PES1: variants seen among roughly 807,000 people sequenced by gnomAD.
The protein encoded by PES1 is pescadillo ribosomal biogenesis factor 1.
Under a neutral mutation model 77.1 loss-of-function variants are expected in PES1, and 31 were observed. The ratio of observed to expected loss-of-function variants is 0.40; its 90% CI spans 0.30 to 0.54. The LOEUF is 0.54. Among genes scored for constraint, PES1 ranks in the 20% least tolerant of loss-of-function variants. The pLI is 0.45. For synonymous variants in PES1, 282 were observed against 303.0 expected (o/e 0.93, Z 0.72); for missense variants, 658 against 771.7 (o/e 0.85, Z 1.75).
chr22:30,589,462 G>A (rs1385379826), intron 1 of PES1, among the ~76,000 whole-genome samples, 192 bp from the exon 2 acceptor site: 1 of 152,178 alleles, frequency 6.6e-6, no homozygotes, highest in Non-Finnish European at 1.5e-5. Flanking sequence ...GCGGCTGTCA[G>A]CATAGGGAAC....
chr22:30,602,706 T>C (rs2087374746), intron 2 of PES1, among the ~76,000 whole-genome samples: 2 of 152,146 alleles, frequency 1.3e-5, no homozygotes, highest in Admixed American at 6.6e-5. Context: ...TTAGGTGTTG[T>C]ATCTAAAAAG....
intron 4 of PES1, 95 bp downstream of exon 4, chr22:30,587,191 G>T: frequency 1.1e-6 from 1 of 879,148 alleles, no homozygotes; most frequent in Non-Finnish European, 1.8e-6. Flanking sequence ...CTTTGAGCAG[G>T]GTCTTGGTCT....
At chr22:30,581,284 A>C in intron 8 of PES1, 50 bp downstream of exon 8, 17 of 1,581,274 alleles carry the variant, frequency 1.1e-5, no homozygotes, top group Non-Finnish European at 1.4e-5. Flanking sequence ...TGTTGGGGAC[A>C]GAGACCACTC....
intron 13 of PES1, 49 bp downstream of exon 13, chr22:30,579,088 C>T: frequency 6.2e-7 from 1 of 1,604,678 alleles, no homozygotes; most frequent in Non-Finnish European, 8.5e-7. Context: ...GAGCAGGCAC[C>T]AAGCAGGGCT....
At chr22:30,602,458 G>A (rs1349098586) in intron 2 of PES1, among the ~76,000 whole-genome samples, 4 of 116,492 alleles carry the variant, frequency 3.4e-5, no homozygotes, top group Non-Finnish European at 3.5e-5. Context: ...TTTGACACAA[G>A]AGTTCCACCC....
rs111368918 is a variant in PES1 at position 30,578,558 on chromosome 22, G to A, written c.1683+279C>T. ...CCCGCCCCCAGTCCTTGAGTCTGCC[G>A]GGAAGGCTCTGTTTGCAGACCCCAG... is the stretch of plus-strand genomic sequence containing the variant. On this transcript the variant is annotated intron_variant, in intron 14 of 14. Coordinates refer to ENST00000354694, the MANE Select transcript of PES1 (RefSeq NM_014303.4). 1.6e-4 allele frequency among the ~76,000 whole-genome samples: 25 copies of A among 152,316 alleles called. 1 individual carries two copies. The highest frequency in any genetic ancestry group is 6.2e-4 in the South Asian group (3 of 4,822).
intron 2 of PES1, among the ~76,000 whole-genome samples, chr22:30,599,595 C>T (rs1042328939): frequency 6.6e-6 from 1 of 152,124 alleles, no homozygotes; most frequent in African/African-American, 2.4e-5. Flanking sequence ...CATAACTAGT[C>T]TAAGGCAATG....
At chr22:30,579,066 C>G (rs35157781) in intron 13 of PES1, 68 bp from the exon 14 acceptor site, 25,846 of 1,602,906 alleles carry the variant, frequency 0.016, 228 homozygotes, top group Middle Eastern at 0.022. Flanking sequence ...TGGCTCCTGA[C>G]CTTCTAGGCC....
upstream of PES1, among the ~76,000 whole-genome samples, chr22:30,593,475 C>T (rs2087212486): frequency 2.6e-5 from 4 of 151,158 alleles, no homozygotes; most frequent in South Asian, 8.4e-4. Context: ...GCCTAGACGA[C>T]AGAGCGAGGC....
chr22:30,586,532 C>T (rs181769821), intron 4 of PES1, among the ~76,000 whole-genome samples: 1 of 152,330 alleles, frequency 6.6e-6, no homozygotes. Context: ...TGGGGGACTA[C>T]TATAGCGTAT....
rs1036071710 is a variant in PES1 at position 30,579,530 on chromosome 22, G to C, written c.1354+221C>G. The C allele has an allele frequency of 1.5e-5, 11 of 713,082 alleles. No individual in the cohort carries two copies. The Admixed American group carries it at 3.2e-4, about 21-fold the overall frequency. 44.2% of individuals were successfully genotyped at this position (713,082 alleles called of 1,614,324 possible). ...CTCTGTCGCCTCCAATGTAAACTCT[G>C]ATGACAATGCAGCATGTTCTTCTGC... is the stretch of plus-strand genomic sequence containing the variant. On this transcript the variant is annotated intron_variant, in intron 12 of 14. Coordinates refer to ENST00000354694, the MANE Select transcript of PES1 (RefSeq NM_014303.4).
At chr22:30,604,440 C>CT (rs888180678) in intron 2 of PES1, among the ~76,000 whole-genome samples, 5 of 151,958 alleles carry the variant, frequency 3.3e-5, no homozygotes, top group African/African-American at 1.2e-4. Context: ...CGAGACCAAC[C>CT]TGGCCAACAG....
At chr22:30,605,403 A>C in intron 2 of PES1, 1 of 965,478 alleles carries the variant, frequency 1.0e-6, no homozygotes, top group Non-Finnish European at 1.2e-6. Context: ...TTACTTCGAC[A>C]CCCTAACTAC....
At position 30,581,534 on chromosome 22, in the gene PES1, G is replaced by C. The variant is rs775880048; in HGVS notation, c.741C>G (p.Pro247=). ...CACTGGGCTGGGGTCCTACCTTCGG[G>C]GGATAGTGGAGGTTGAGCAACTGGT... ...RLYQLLNLHY[P]PKLEGQAQAE... Residue 247 remains proline, a synonymous_variant, in exon 7 of 15, where the codon CCC becomes CCG. Coordinates refer to ENST00000354694, the MANE Select transcript of PES1 (RefSeq NM_014303.4). 8 of 1,613,196 alleles carry C rather than the reference G, an allele frequency of 5.0e-6. No homozygotes were observed. In the Admixed American group the frequency reaches 5.0e-5, roughly 10 times the overall value.
At chr22:30,587,471 C>A (rs990347308) in intron 3 of PES1, 76 bp from the exon 4 acceptor site, 2 of 1,135,980 alleles carry the variant, frequency 1.8e-6, no homozygotes, top group African/African-American at 1.5e-5. Flanking sequence ...AAGATGGAAA[C>A]GCAGGGCAGA....
Position 30,581,377 on chromosome 22 carries a change from G to A in PES1, c.779C>T (p.Ala260Val). The part of the protein sequence containing the change: ...LEGQAQAEAK[A>V]GEGTYALDSE... ...GTCCAACGCGTAGGTGCCCTCACCG[G>A]CCTTTGCCTCTGCTTGGGCCTGACC... is the stretch of plus-strand genomic sequence containing the variant. The change falls in exon 8 of 15, where the codon GCC (alanine) becomes GTC (valine). Residue 260 changes from alanine (A) to valine (V), a missense_variant. Coordinates refer to ENST00000354694, the MANE Select transcript of PES1 (RefSeq NM_014303.4). The A allele has an allele frequency of 1.9e-6, 3 of 1,613,816 alleles. No homozygotes were observed. Among genetic ancestry groups the A allele is most frequent in the Non-Finnish European group, 2.5e-6 (3 of 1,180,028 alleles).
intron 1 of PES1, among the ~76,000 whole-genome samples, chr22:30,606,333 C>T (rs1408375602): frequency 3.3e-5 from 5 of 152,090 alleles, no homozygotes; most frequent in Admixed American, 6.6e-5. Context: ...TGGGTTCAAG[C>T]GATCCTCCTG....
chr22:30,579,510 T>C, intron 12 of PES1: 1 of 787,244 alleles, frequency 1.3e-6, no homozygotes. Flanking sequence ...CTGAGCTCTG[T>C]CGCCTCCAAT....
intron 10 of PES1, 26 bp downstream of exon 10, chr22:30,580,545 G>A: frequency 6.2e-7 from 1 of 1,613,134 alleles, no homozygotes; most frequent in Non-Finnish European, 8.5e-7. Context: ...AACCAATGCT[G>A]TCAGCGGGCC....
Sources: allele counts gnomAD v4.1 joint callset (sites outside exome capture counted in the v4.1 genomes callset), GRCh38; gene constraint gnomAD v4.1.1; transcripts MANE v1.5; gene names NCBI Gene and HGNC (gene_info 2026-07-23, HGNC 2026-07-21).